Variants in MLLT10 observed in about 807,000 individuals in gnomAD.
The protein encoded by MLLT10 is MLLT10 histone lysine methyltransferase DOT1L cofactor, also known as protein AF-10.
A neutral mutation model predicts 129.1 loss-of-function variants in MLLT10; 30 were observed. That is an observed-to-expected ratio of 0.23 (90% CI 0.17 to 0.32). MLLT10 has a LOEUF of 0.32. Among genes scored for constraint, MLLT10 ranks in the 10% least tolerant of loss-of-function variants. MLLT10 has a pLI of 1.00. For synonymous variants in MLLT10, 490 were observed against 446.4 expected (o/e 1.10, Z -1.23); for missense variants, 1,119 against 1,268.3 (o/e 0.88, Z 1.79).
chr10:21,563,841 C>T (rs1458261555), intron 3 of MLLT10, among the ~76,000 whole-genome samples: 1 of 148,558 alleles, frequency 6.7e-6, no homozygotes, highest in South Asian at 2.1e-4. Context: ...GAGACAGAGT[C>T]TTGCTTTGTC....
rs2033353571 is a variant in MLLT10, at chr10:21,534,298, C to T, written c.-223C>T. 3 of 384,710 alleles carry T rather than the reference C, an allele frequency of 7.8e-6. No individual in the cohort carries two copies. The highest frequency in any genetic ancestry group is 1.1e-4 in the South Asian group (1 of 9,242). 23.8% of individuals were successfully genotyped at this position (384,710 alleles called of 1,614,324 possible). A position where few individuals can be genotyped will look rare whatever the true frequency, so the allele number is the denominator to read the frequency against. ...TTCCCCTCCCTCGCTGCCCCTGGCCCAGCGGGAGCCCCCCCTCCCCCCAGT... is the reference window on the plus strand; with the variant it reads ...TTCCCCTCCCTCGCTGCCCCTGGCCTAGCGGGAGCCCCCCCTCCCCCCAGT... On this transcript the variant is annotated 5_prime_UTR_variant, in exon 1 of 23. Transcript: ENST00000307729.
At chr10:21,538,487 T>G (rs1020420169) in intron 2 of MLLT10, among the ~76,000 whole-genome samples, 4 of 151,984 alleles carry the variant, frequency 2.6e-5, no homozygotes, top group Admixed American at 2.0e-4. Context: ...TTTTTTTTTT[T>G]GTGGAGATGG....
At chr10:21,553,098 CTTTATA>C (rs2037350231) in intron 3 of MLLT10, among the ~76,000 whole-genome samples, 1 of 152,028 alleles carries the variant, frequency 6.6e-6, no homozygotes, top group Non-Finnish European at 1.5e-5. Flanking sequence ...TCCCCTGTTT[CTTTATA>C]TTTAAGAAGG....
intron 3 of MLLT10, among the ~76,000 whole-genome samples, chr10:21,563,167 G>A (rs2039079789): frequency 6.6e-6 from 1 of 152,014 alleles, no homozygotes; most frequent in Non-Finnish European, 1.5e-5. Flanking sequence ...AACCACTAAG[G>A]TATTCTTCAT....
chr10:21,739,590 C>G (rs1212784463), intron 21 of MLLT10, among the ~76,000 whole-genome samples: 1 of 152,306 alleles, frequency 6.6e-6, no homozygotes, highest in East Asian at 1.9e-4. Context: ...AGTAAGCACT[C>G]AGGAAATCTA....
rs765453666 is a variant in MLLT10, at chr10:21,714,385, G to A, written c.1878+435G>A. Among the ~76,000 whole-genome samples, 8 of 152,090 alleles carry A rather than the reference G, an allele frequency of 5.3e-5. No homozygotes were observed. The South Asian group carries it at 6.2e-4, about 12-fold the overall frequency. On this transcript the variant is annotated intron_variant, in intron 14 of 22. Transcript: ENST00000307729. ...GTAGGAGAATGTAGGTTAAAAGACC[G>A]AATGACCGCTTCAAGCACTACACAT...
intron 13 of MLLT10, among the ~76,000 whole-genome samples, chr10:21,696,999 C>T (rs946703066): frequency 6.7e-6 from 1 of 150,240 alleles, no homozygotes; most frequent in Non-Finnish European, 1.5e-5. Flanking sequence ...GAGTTGACTC[C>T]CTAGCTTCAT....
At chr10:21,617,552 T>C (rs1224671122) in intron 8 of MLLT10, among the ~76,000 whole-genome samples, 7 of 152,192 alleles carry the variant, frequency 4.6e-5, no homozygotes, top group Non-Finnish European at 1.5e-5. Flanking sequence ...TAAGTAATTA[T>C]CAGCTTTTTT....
intron 21 of MLLT10, chr10:21,738,593 C>T (rs998661295): frequency 8.2e-7 from 1 of 1,216,774 alleles, no homozygotes. Flanking sequence ...CGCACAGCTT[C>T]CGCTCGACAC....
chr10:21,671,461 G>A (rs762859623), intron 10 of MLLT10, among the ~76,000 whole-genome samples: 35 of 152,132 alleles, frequency 2.3e-4, no homozygotes, highest in Middle Eastern at 3.2e-3. Context: ...GGGCAATGTG[G>A]TAAGACCTCA....
chr10:21,605,228 A>G (rs2131167907), intron 5 of MLLT10, among the ~76,000 whole-genome samples: 1 of 152,326 alleles, frequency 6.6e-6, no homozygotes, highest in African/African-American at 2.4e-5. Context: ...TGGACAAGCA[A>G]GCATTGGTTG....
intron 9 of MLLT10, among the ~76,000 whole-genome samples, chr10:21,666,552 A>G (rs776014617): frequency 1.3e-5 from 2 of 152,044 alleles, no homozygotes; most frequent in Non-Finnish European, 2.9e-5. Context: ...AGTCCCAGCT[A>G]CTGGGAAGGC....
chr10:21,691,743 A>G (rs546403318), intron 13 of MLLT10, among the ~76,000 whole-genome samples: 29 of 152,276 alleles, frequency 1.9e-4, no homozygotes, highest in Admixed American at 3.3e-4. Context: ...ATTTTATAAT[A>G]GTCAAAGCAA....
chr10:21,629,426 T>C (rs562976736), intron 8 of MLLT10, among the ~76,000 whole-genome samples: 1 of 152,290 alleles, frequency 6.6e-6, no homozygotes, highest in East Asian at 1.9e-4. Context: ...GGTAAGCCTG[T>C]TCAGTACGGG....
In MLLT10 at chr10:21,563,230, G is replaced by A. The variant is rs116549398; in HGVS notation, c.241-23064G>A. Among the ~76,000 whole-genome samples, 818 of 152,140 alleles carry A rather than the reference G, an allele frequency of 5.4e-3. 5 individuals carry two copies. Among genetic ancestry groups the A allele is most frequent in the African/African-American group, 0.018 (765 of 41,504 alleles). ...TTATATAAATGGGATGATAGAACTT[G>A]TAATTTTCTGGAGGCCCGGCGCGTG... On this transcript the variant is annotated intron_variant, in intron 3 of 22. Coordinates refer to ENST00000307729, the MANE Select transcript of MLLT10 (RefSeq NM_001195626.3).
chr10:21,625,018 C>T lies in MLLT10; in HGVS notation c.699+7811C>T, dbSNP rs189641041. On this transcript the variant is annotated intron_variant, in intron 8 of 22. Coordinates refer to ENST00000307729, the MANE Select transcript of MLLT10 (RefSeq NM_001195626.3). ...CTTACTGCATAGCCACCATCATAGCCATAGTAGGGAATCTTCGTAACCTCC... is the reference window on the plus strand; with the variant it reads ...CTTACTGCATAGCCACCATCATAGCTATAGTAGGGAATCTTCGTAACCTCC... 5.1e-6 allele frequency: 5 copies of T among 988,842 alleles called. No individual in the cohort carries two copies. The African/African-American group carries it at 6.5e-5, about 13-fold the overall frequency. 61.3% of individuals were successfully genotyped at this position (988,842 alleles called of 1,614,324 possible). A position where few individuals can be genotyped will look rare whatever the true frequency, so the allele number is the denominator to read the frequency against.
At chr10:21,619,990 C>T (rs549160604) in intron 8 of MLLT10, among the ~76,000 whole-genome samples, 64 of 146,902 alleles carry the variant, frequency 4.4e-4, no homozygotes, top group Middle Eastern at 3.7e-3. Flanking sequence ...AGTGCAGTGG[C>T]GCAGTCTCAG....
intron 16 of MLLT10, 57 bp downstream of exon 16, chr10:21,727,985 C>A: frequency 7.1e-7 from 1 of 1,417,912 alleles, no homozygotes; most frequent in Non-Finnish European, 9.9e-7. Context: ...GATTTGGAAA[C>A]TTTCTTATCT....
Position 21,741,901 on chromosome 10 carries a change from G to T in MLLT10, c.3163-38G>T. The T allele has an allele frequency of 1.3e-6, 2 of 1,592,766 alleles. 1 individual carries two copies. Among genetic ancestry groups the T allele is most frequent in the South Asian group, 2.3e-5 (2 of 87,466 alleles). ...AATTCGGAGAATATTATCAAAAGTTGATTTAGCTAACGCATCTGCTCTTTT... is the reference window on the plus strand; with the variant it reads ...AATTCGGAGAATATTATCAAAAGTTTATTTAGCTAACGCATCTGCTCTTTT... On this transcript the variant is annotated intron_variant, in intron 22 of 22. Coordinates refer to ENST00000307729, the MANE Select transcript of MLLT10 (RefSeq NM_001195626.3).
Sources: gnomAD v4.1 joint callset for allele counts (sites outside exome capture counted in the v4.1 genomes callset) on GRCh38, gnomAD v4.1.1 for gene constraint, MANE v1.5 for transcripts, NCBI Gene and HGNC (gene_info 2026-07-23, HGNC 2026-07-21) for gene names.